Variants in PIK3R3 observed in about 807,000 individuals in gnomAD.
PIK3R3 encodes the protein phosphatidylinositol 3-kinase regulatory subunit gamma.
PIK3R3 carries 64 observed loss-of-function variants against 62.9 expected under a neutral mutation model. That is an observed-to-expected ratio of 1.02 (90% CI 0.83 to 1.25). The LOEUF is 1.25. PIK3R3 is among the 50% of genes most tolerant of loss of function. The pLI, the probability that PIK3R3 is intolerant of heterozygous loss-of-function variation, is 0.00. For synonymous variants in PIK3R3, 165 were observed against 189.0 expected (o/e 0.87, Z 1.04); for missense variants, 614 against 561.6 (o/e 1.09, Z -0.94).
At chr1:46,066,790 G>GTAAA (rs2149396866) in intron 4 of PIK3R3, 121 bp downstream of exon 4, 1 of 834,882 alleles carries the variant, frequency 1.2e-6, no homozygotes, top group Non-Finnish European at 2.0e-6. Context: ...CTGTCTCAAA[G>GTAAA]TAAATAAATA....
chr1:46,168,973 A>G, the PIK3R3 span, among the ~76,000 whole-genome samples: 4,170 of 152,190 alleles, frequency 0.027, 79 homozygotes, highest in Non-Finnish European at 0.043. Flanking sequence ...GCTATCTCCA[A>G]TCTGAGCTGA....
chr1:46,093,433 C>T (rs894306158), intron 1 of PIK3R3, among the ~76,000 whole-genome samples: 4 of 152,124 alleles, frequency 2.6e-5, no homozygotes, highest in Non-Finnish European at 5.9e-5. Context: ...CTCACATTTG[C>T]TTTCTAAAAA....
At chr1:46,060,378 G>A (rs938939927) in intron 6 of PIK3R3, among the ~76,000 whole-genome samples, 1 of 151,082 alleles carries the variant, frequency 6.6e-6, no homozygotes, top group African/African-American at 2.4e-5. Flanking sequence ...TAATCCCAGC[G>A]ACTCAGGAGG....
intron 1 of PIK3R3, among the ~76,000 whole-genome samples, chr1:46,122,801 A>T (rs924825901): frequency 6.6e-6 from 1 of 152,118 alleles, no homozygotes; most frequent in Non-Finnish European, 1.5e-5. Context: ...AATTATCTTC[A>T]TAAGTTTAGA....
At chr1:46,166,209 T>TCTTTA in the PIK3R3 span, among the ~76,000 whole-genome samples, 16 of 150,328 alleles carry the variant, frequency 1.1e-4, no homozygotes, top group Non-Finnish European at 1.6e-4. Flanking sequence ...TAGGCTTTTT[T>TCTTTA]CTTTTCTTTT....
chr1:46,061,906 T>C, intron 6 of PIK3R3, 23 bp downstream of exon 6: 1 of 1,605,834 alleles, frequency 6.2e-7, no homozygotes, highest in South Asian at 1.1e-5. Context: ...ACTGATGCCC[T>C]TGGAGGTACT....
chr1:46,083,064 T>C (rs914584154), intron 1 of PIK3R3, among the ~76,000 whole-genome samples: 1 of 152,012 alleles, frequency 6.6e-6, no homozygotes, highest in Admixed American at 6.6e-5. Context: ...GGAGACAGAG[T>C]GAGATTTTGT....
intron 1 of PIK3R3, among the ~76,000 whole-genome samples, chr1:46,109,918 G>A (rs1164921999): frequency 6.6e-6 from 1 of 152,036 alleles, no homozygotes; most frequent in Non-Finnish European, 1.5e-5. Flanking sequence ...TGGCATAGAA[G>A]GCCCTACATG....
At position 46,043,833 on chromosome 1, in the gene PIK3R3, G is replaced by A. The variant is rs1557545432; in HGVS notation, c.1226C>T (p.Thr409Ile). 4 of 1,614,114 alleles carry A rather than the reference G, an allele frequency of 2.5e-6. No homozygotes were observed. Among genetic ancestry groups the A allele is most frequent in the Non-Finnish European group, 1.7e-6 (2 of 1,179,994 alleles). Residue 409 changes from threonine (T) to isoleucine (I), a missense_variant, in exon 10 of 10, where the codon ACT (threonine) becomes ATT (isoleucine). Thr to Ile is a moderately conservative substitution (Grantham distance 89, BLOSUM62 -1). Transcript: ENST00000262741. ...CTCTGCAAAGCCATAGCCCCGAGCA[G>A]TGCTGTAGATCACACAGTGCTTCAC... ...GEVKHCVIYS[T>I]ARGYGFAEPY...
At chr1:46,170,646 C>T in the PIK3R3 span, among the ~76,000 whole-genome samples, 1 of 152,212 alleles carries the variant, frequency 6.6e-6, no homozygotes, top group Non-Finnish European at 1.5e-5. Flanking sequence ...GTCTCAAACT[C>T]CTGACCTCAG....
intron 6 of PIK3R3, among the ~76,000 whole-genome samples, chr1:46,060,363 G>A (rs1192609926): frequency 2.6e-5 from 4 of 151,612 alleles, no homozygotes; most frequent in African/African-American, 9.7e-5. Context: ...GGTGGGGGGT[G>A]CCTGTAATCC....
chr1:46,120,846 C>G lies in PIK3R3; in HGVS notation c.106+11001G>C, dbSNP rs1017035324. Among the ~76,000 whole-genome samples the G allele has an allele frequency of 2.0e-5, 3 of 152,176 alleles. No homozygotes were observed. The South Asian group carries it at 6.2e-4, about 31-fold the overall frequency. The stretch of plus-strand genomic sequence containing the variant: ...TATTTACTGGTGACTGGTTCAGGAA[C>G]TAGCCTATGACCCAATTCTGGCCAA... On this transcript the variant is annotated intron_variant, in intron 1 of 9. Transcript: ENST00000262741.
At position 46,043,204 on chromosome 1, in the gene PIK3R3, A is replaced by G. The variant is rs1647026639; in HGVS notation, c.*469T>C. The G allele has an allele frequency of 4.3e-6, 1 of 232,110 alleles. No individual in the cohort carries two copies. The highest frequency in any genetic ancestry group is 8.5e-6 in the Non-Finnish European group (1 of 117,302). 14.4% of individuals were successfully genotyped at this position (232,110 alleles called of 1,614,324 possible). On this transcript the variant is annotated 3_prime_UTR_variant, in exon 10 of 10. Coordinates refer to ENST00000262741, the MANE Select transcript of PIK3R3 (RefSeq NM_003629.4). ...TGTCTTTTTCATCAAATCCCATTCT[A>G]TCACAAAACCTAAACAGCCTTCTTC...
chr1:46,138,206 A>G, the PIK3R3 span, among the ~76,000 whole-genome samples: 4 of 152,196 alleles, frequency 2.6e-5, no homozygotes, highest in Non-Finnish European at 4.4e-5. Context: ...TGTGGTCATT[A>G]TTTCAATAGC....
chr1:46,048,102 T>C (rs1394515814), intron 7 of PIK3R3: 2 of 152,228 alleles, frequency 1.3e-5, no homozygotes, highest in African/African-American at 4.8e-5. Context: ...TGTATTTGTT[T>C]ATGTCTGTCT....
chr1:46,154,388 C>A, the PIK3R3 span, among the ~76,000 whole-genome samples: 42 of 152,014 alleles, frequency 2.8e-4, 1 homozygote, highest in Middle Eastern at 0.034. Context: ...AGCAACACAG[C>A]GAGACCCCAA....
intron 5 of PIK3R3, among the ~76,000 whole-genome samples, chr1:46,063,521 T>G (rs925575465): frequency 6.6e-6 from 1 of 152,204 alleles, no homozygotes; most frequent in Non-Finnish European, 1.5e-5. Flanking sequence ...GCCCTGGATC[T>G]TCAAAGAAAA....
intron 3 of PIK3R3, among the ~76,000 whole-genome samples, chr1:46,067,665 C>G (rs1007719024): frequency 3.9e-5 from 6 of 152,002 alleles, no homozygotes; most frequent in African/African-American, 1.4e-4. Context: ...TAATCTAGAA[C>G]CTTATACTAT....
rs1008256430 is a variant in PIK3R3, at chr1:46,041,332, C to T, written c.*2341G>A. Reference sequence around the variant, plus strand: ...TACTGTCAAACCTCTCAAATGACCCCTGGGTCTTAGATCCCACAAAACAAT... The same window carrying T: ...TACTGTCAAACCTCTCAAATGACCCTTGGGTCTTAGATCCCACAAAACAAT... On this transcript the variant is annotated 3_prime_UTR_variant, in exon 10 of 10. Coordinates refer to ENST00000262741, the MANE Select transcript of PIK3R3 (RefSeq NM_003629.4). 6.1e-6 allele frequency: 1 copy of T among 163,678 alleles called. No homozygotes were observed. Among genetic ancestry groups the T allele is most frequent in the African/African-American group, 2.4e-5 (1 of 41,636 alleles). The allele number at this position is 163,678 out of a possible 1,614,324, so 10.1% of individuals were successfully genotyped here.
Sources: gnomAD v4.1 joint callset for allele counts (sites outside exome capture counted in the v4.1 genomes callset) on GRCh38, gnomAD v4.1.1 for gene constraint, MANE v1.5 for transcripts, NCBI Gene and HGNC (gene_info 2026-07-23, HGNC 2026-07-21) for gene names.